SLCO3A1: variants seen among roughly 807,000 people sequenced by gnomAD.
The protein encoded by SLCO3A1 is PGE1 transporter.
SLCO3A1 carries 27 observed loss-of-function variants against 63.1 expected under a neutral mutation model. That is an observed-to-expected ratio of 0.43 (90% CI 0.32 to 0.59). The LOEUF (loss-of-function observed/expected upper bound fraction) is 0.59. Ranked by LOEUF, SLCO3A1 falls within the 20% of genes least tolerant of loss-of-function variation. The pLI is 0.09. For synonymous variants in SLCO3A1, 473 were observed against 409.9 expected, an observed-to-expected ratio of 1.15 and a Z score of -1.86; for missense variants, 773 against 945.8, an observed-to-expected ratio of 0.82 and a Z score of 2.40.
intron 9 of SLCO3A1, among the ~76,000 whole-genome samples, chr15:92,160,406 G>A (rs560956793): frequency 1.3e-5 from 2 of 152,202 alleles, no homozygotes; most frequent in African/African-American, 4.8e-5. Context: ...AAAGGCACTT[G>A]TTAGGGGGCA....
intron 2 of SLCO3A1, among the ~76,000 whole-genome samples, chr15:92,068,226 T>C (rs1012463744): frequency 1.3e-5 from 2 of 152,170 alleles, no homozygotes; most frequent in Admixed American, 1.3e-4. Flanking sequence ...ATTAGCATGT[T>C]TTGAAGGAAA....
chr15:91,965,765 C>T (rs937989738), intron 2 of SLCO3A1, among the ~76,000 whole-genome samples: 16 of 150,108 alleles, frequency 1.1e-4, no homozygotes, highest in African/African-American at 2.7e-4. Flanking sequence ...GAGGGAAATT[C>T]GTAGGAGTGA....
chr15:92,170,033 C>A (rs1380313937), downstream of SLCO3A1, among the ~76,000 whole-genome samples: 1 of 152,096 alleles, frequency 6.6e-6, no homozygotes, highest in East Asian at 1.9e-4. Flanking sequence ...TTGCTATGAG[C>A]AAATGAACAA....
intron 3 of SLCO3A1, 114 bp from the exon 4 acceptor site, chr15:92,104,165 G>T: frequency 2.4e-6 from 3 of 1,244,896 alleles, no homozygotes; most frequent in Non-Finnish European, 3.4e-6. Context: ...GTTCCCGACC[G>T]CAAGTCATTT....
intron 2 of SLCO3A1, among the ~76,000 whole-genome samples, chr15:91,926,592 T>TGG: frequency 9.4e-6 from 1 of 106,510 alleles, no homozygotes; most frequent in Non-Finnish European, 2.0e-5. Flanking sequence ...TGTGTGTGTG[T>TGG]GTGTGCGCGC....
chr15:92,143,431 A>AAATATATATAT (rs1567142987), intron 7 of SLCO3A1, among the ~76,000 whole-genome samples: 5 of 2,122 alleles, frequency 2.4e-3, no homozygotes, highest in African/African-American at 9.3e-3. Flanking sequence ...TATATATATA[A>AAATATATATAT]TATATATAAT....
At chr15:91,994,422 T>C (rs2046165554) in intron 2 of SLCO3A1, among the ~76,000 whole-genome samples, 1 of 152,226 alleles carries the variant, frequency 6.6e-6, no homozygotes, top group Non-Finnish European at 1.5e-5. Context: ...AATGTTGAGC[T>C]GGAATTTGAA....
At chr15:92,018,751 C>T (rs1347883287) in intron 2 of SLCO3A1, among the ~76,000 whole-genome samples, 2 of 152,136 alleles carry the variant, frequency 1.3e-5, no homozygotes, top group South Asian at 2.1e-4. Context: ...GAGGGGATCA[C>T]GGGGTGGGTT....
intron 2 of SLCO3A1, among the ~76,000 whole-genome samples, chr15:92,018,697 T>C (rs1446793516): frequency 6.6e-6 from 1 of 152,168 alleles, no homozygotes; most frequent in Non-Finnish European, 1.5e-5. Flanking sequence ...GTGGGGAGCC[T>C]GTCTCACCTG....
At chr15:91,959,728 A>G (rs1004998308) in intron 2 of SLCO3A1, among the ~76,000 whole-genome samples, 11 of 143,836 alleles carry the variant, frequency 7.6e-5, no homozygotes, top group African/African-American at 3.2e-4. Context: ...CATCTCAAAA[A>G]AAAAAAAAAA....
intron 2 of SLCO3A1, among the ~76,000 whole-genome samples, chr15:91,996,486 TA>T (rs1450211918): frequency 6.6e-6 from 1 of 152,166 alleles, no homozygotes; most frequent in Non-Finnish European, 1.5e-5. Flanking sequence ...GGTTGGGGAC[TA>T]TATAAGATAA....
chr15:92,040,950 CCTA>C (rs2046789569), intron 2 of SLCO3A1, among the ~76,000 whole-genome samples: 1 of 152,156 alleles, frequency 6.6e-6, no homozygotes, highest in African/African-American at 2.4e-5. Flanking sequence ...TTTGAGCAAT[CCTA>C]GTCCTCTGGG....
At chr15:92,074,328 T>C (rs1478315975) in intron 2 of SLCO3A1, among the ~76,000 whole-genome samples, 1 of 152,222 alleles carries the variant, frequency 6.6e-6, no homozygotes, top group African/African-American at 2.4e-5. Context: ...ACCCGAAAGA[T>C]GCAGTCAGAG....
rs750283854 is a variant in SLCO3A1 at position 91,948,482 on chromosome 15, T to C, written c.646+32024T>C. 3.5e-4 allele frequency among the ~76,000 whole-genome samples: 54 copies of C among 152,288 alleles called. No individual in the cohort carries two copies. Among genetic ancestry groups the C allele is most frequent in the African/African-American group, 1.3e-3 (52 of 41,556 alleles). On this transcript the variant is annotated intron_variant, in intron 2 of 9. Coordinates refer to ENST00000318445, the MANE Select transcript of SLCO3A1 (RefSeq NM_013272.4). The surrounding 1 kb of genome is among the most constrained non-coding windows in gnomAD (Gnocchi z 4.8). ...CCACCTGGGTGGAAAGCAGCAGTCA[T>C]TGGTTAGGAATTTGGGGATTTTCTA...
Position 91,912,785 on chromosome 15 carries a change from A to G in SLCO3A1, c.181-3208A>G, listed in dbSNP as rs1032788660. Among the ~76,000 whole-genome samples the G allele has an allele frequency of 6.6e-6, 1 of 152,006 alleles. No homozygotes were observed. Among genetic ancestry groups the G allele is most frequent in the Non-Finnish European group, 1.5e-5 (1 of 67,996 alleles). On this transcript the variant is annotated intron_variant, in intron 1 of 9. Transcript: ENST00000318445. The surrounding 1 kb of genome is among the most constrained non-coding windows in gnomAD (Gnocchi z 5.0). ...TGCTTCAGCCACCTCTCCGGGGGTGACTTTCTAGGGGACCCCACCCAGACA... is the reference window on the plus strand; with the variant it reads ...TGCTTCAGCCACCTCTCCGGGGGTGGCTTTCTAGGGGACCCCACCCAGACA...
intron 2 of SLCO3A1, among the ~76,000 whole-genome samples, chr15:92,056,296 C>A (rs1317840606): frequency 6.6e-6 from 1 of 152,130 alleles, no homozygotes. Context: ...GAATACAATT[C>A]CTTGCTGAAC....
At chr15:91,920,859 C>T (rs1400171538) in intron 2 of SLCO3A1, among the ~76,000 whole-genome samples, 4 of 152,148 alleles carry the variant, frequency 2.6e-5, no homozygotes, top group African/African-American at 9.7e-5. Context: ...CATGGGTAGG[C>T]GGATGGTATC....
chr15:92,159,322 TAAAAATACA>T (rs1471610447), intron 9 of SLCO3A1, among the ~76,000 whole-genome samples: 2 of 151,932 alleles, frequency 1.3e-5, no homozygotes, highest in African/African-American at 4.8e-5. Flanking sequence ...CCGTCTCTAC[TAAAAATACA>T]AAAATTAGCC....
chr15:92,141,606 G>T (rs1393989811), intron 7 of SLCO3A1, among the ~76,000 whole-genome samples: 4 of 152,174 alleles, frequency 2.6e-5, no homozygotes, highest in African/African-American at 9.7e-5. Flanking sequence ...GTTACTGCCA[G>T]CTGAAGGGGT....
Sources: gnomAD v4.1 joint callset for allele counts (sites outside exome capture counted in the v4.1 genomes callset) on GRCh38, gnomAD v4.1.1 for gene constraint, Gnocchi (gnomAD v3.1) non-coding constraint, MANE v1.5 for transcripts, NCBI Gene and HGNC (gene_info 2026-07-23, HGNC 2026-07-21) for gene names.